The following IQGAP2 variants were observed in gnomAD, a reference collection of about 807,000 sequenced individuals.
The protein encoded by IQGAP2 is IQ motif containing GTPase activating protein 2, also known as ras GTPase-activating-like protein IQGAP2.
In IQGAP2, 173 loss-of-function variants were observed where a neutral mutation model predicts 201.3. That is an observed-to-expected ratio of 0.86 (90% confidence interval 0.76 to 0.98). The LOEUF (loss-of-function observed/expected upper bound fraction) is 0.98, where lower values mean the gene tolerates loss of function less well. IQGAP2 is among the 50% of genes least tolerant of loss of function. IQGAP2 has a pLI of 0.00. For synonymous variants in IQGAP2, 675 were observed against 673.9 expected (o/e 1.00, Z -0.03); for missense variants, 1,687 against 1,864.8 (o/e 0.90, Z 1.76).
chr5:76,673,666 G>A, intron 25 of IQGAP2, 77 bp downstream of exon 25: 2 of 1,427,724 alleles, frequency 1.4e-6, no homozygotes, highest in Non-Finnish European at 1.9e-6. Context: ...AGCCCCTGTA[G>A]TGAAGACAGC....
In IQGAP2 at chr5:76,562,411, C is replaced by T. The variant is rs1002384556; in HGVS notation, c.162C>T (p.Cys54=). ...ATCTCTTTAGGTGGATGGAAGTTTGCTTAGTTGAAGAATTGCCACCAACCA... is the reference window on the plus strand; with the variant it reads ...ATCTCTTTAGGTGGATGGAAGTTTGTTTAGTTGAAGAATTGCCACCAACCA... The part of the protein sequence containing the change: ...LEEAKRWMEV[C]LVEELPPTTE... Residue 54 remains cysteine (C), a synonymous_variant, in exon 3 of 36, where the codon TGC becomes TGT. Coordinates refer to ENST00000274364, the MANE Select transcript of IQGAP2 (RefSeq NM_006633.5). The T allele has an allele frequency of 2.5e-6, 4 of 1,611,886 alleles. No homozygotes were observed. Among genetic ancestry groups the T allele is most frequent in the Non-Finnish European group, 3.4e-6 (4 of 1,179,096 alleles).
At chr5:76,483,890 G>A (rs1488942980) in intron 2 of IQGAP2, among the ~76,000 whole-genome samples, 1 of 152,212 alleles carries the variant, frequency 6.6e-6, no homozygotes, top group East Asian at 1.9e-4. Flanking sequence ...CCCCTGGGAA[G>A]AGCCACAGGA....
chr5:76,688,322 A>G (rs1319447916), intron 30 of IQGAP2, among the ~76,000 whole-genome samples: 3 of 152,316 alleles, frequency 2.0e-5, no homozygotes, highest in East Asian at 3.9e-4. Flanking sequence ...TTTAATTACA[A>G]TGTCACTAGT....
At chr5:76,447,144 G>C (rs1580209385) in intron 1 of IQGAP2, among the ~76,000 whole-genome samples, 1 of 152,188 alleles carries the variant, frequency 6.6e-6, no homozygotes, top group Non-Finnish European at 1.5e-5. Flanking sequence ...TTCCTGTTGA[G>C]AGCAGGGACT....
intron 2 of IQGAP2, among the ~76,000 whole-genome samples, chr5:76,560,876 G>C (rs1362311675): frequency 6.6e-6 from 1 of 152,148 alleles, no homozygotes; most frequent in Non-Finnish European, 1.5e-5. Context: ...ACCAAACCTT[G>C]AATAGACTGT....
At chr5:76,645,877 G>A (rs1751998606) in intron 17 of IQGAP2, among the ~76,000 whole-genome samples, 1 of 151,350 alleles carries the variant, frequency 6.6e-6, no homozygotes, top group Non-Finnish European at 1.5e-5. Flanking sequence ...GCCAATGCAG[G>A]AATGATTCAA....
chr5:76,502,831 G>T (rs1757352036), intron 2 of IQGAP2, among the ~76,000 whole-genome samples: 1 of 152,078 alleles, frequency 6.6e-6, no homozygotes, highest in Non-Finnish European at 1.5e-5. Flanking sequence ...GAATTCCTGG[G>T]CTCAAGTGAT....
intron 2 of IQGAP2, among the ~76,000 whole-genome samples, chr5:76,557,521 T>TA (rs926684588): frequency 3.3e-5 from 5 of 152,200 alleles, no homozygotes; most frequent in Non-Finnish European, 7.3e-5. Context: ...TGCCTAATGT[T>TA]AAAAAAAGTA....
intron 1 of IQGAP2, among the ~76,000 whole-genome samples, chr5:76,440,322 C>T (rs1561373282): frequency 1.3e-5 from 2 of 152,046 alleles, no homozygotes; most frequent in Non-Finnish European, 2.9e-5. Flanking sequence ...GCCAAGAGTT[C>T]AAGACTTAGC....
chr5:76,617,739 A>G (rs374987651), intron 13 of IQGAP2: 3 of 1,613,880 alleles, frequency 1.9e-6, no homozygotes, highest in South Asian at 1.1e-5. Context: ...AGCATGGTGA[A>G]TAATAAGAAT....
intron 22 of IQGAP2, among the ~76,000 whole-genome samples, chr5:76,665,935 C>A (rs1011768902): frequency 3.3e-5 from 5 of 152,200 alleles, no homozygotes; most frequent in African/African-American, 1.2e-4. Context: ...AGAGGTGGAT[C>A]CATAGTTCTC....
chr5:76,703,570 A>T (rs554968581), intron 35 of IQGAP2, among the ~76,000 whole-genome samples: 3 of 151,892 alleles, frequency 2.0e-5, no homozygotes, highest in Non-Finnish European at 4.4e-5. Flanking sequence ...GGTGTTTGCA[A>T]TATAAATTAT....
chr5:76,704,698 C>A (rs1747722177), intron 35 of IQGAP2, among the ~76,000 whole-genome samples: 1 of 152,192 alleles, frequency 6.6e-6, no homozygotes, highest in Non-Finnish European at 1.5e-5. Flanking sequence ...GGGCATGGGA[C>A]CCTGTGCGGC....
chr5:76,681,494 T>C (rs1417037590), intron 28 of IQGAP2, among the ~76,000 whole-genome samples: 1 of 150,664 alleles, frequency 6.6e-6, no homozygotes, highest in Non-Finnish European at 1.5e-5. Flanking sequence ...TGCAAGGAGA[T>C]ACCACTCACA....
intron 1 of IQGAP2, among the ~76,000 whole-genome samples, chr5:76,421,378 C>T (rs998737805): frequency 6.6e-6 from 1 of 152,002 alleles, no homozygotes; most frequent in African/African-American, 2.4e-5. Flanking sequence ...CTTTGGGAAG[C>T]TGAGGCAGGA....
At chr5:76,420,374 C>CTTTT (rs36086215) in intron 1 of IQGAP2, among the ~76,000 whole-genome samples, 2 of 122,142 alleles carry the variant, frequency 1.6e-5, no homozygotes. Context: ...ATCTTTGGAA[C>CTTTT]TTTTTTTTTT....
intron 2 of IQGAP2, among the ~76,000 whole-genome samples, chr5:76,543,283 TC>T (rs1180659857): frequency 6.6e-6 from 1 of 152,148 alleles, no homozygotes; most frequent in Non-Finnish European, 1.5e-5. Flanking sequence ...CAGCTCCTGT[TC>T]CCTCAAACCT....
chr5:76,598,811 AAATT>A (rs1363525577), intron 10 of IQGAP2, among the ~76,000 whole-genome samples: 1 of 152,228 alleles, frequency 6.6e-6, no homozygotes, highest in Non-Finnish European at 1.5e-5. Context: ...GATTGCCTAT[AAATT>A]AATAACATTT....
intron 9 of IQGAP2, among the ~76,000 whole-genome samples, chr5:76,594,465 AG>A (rs1205442485): frequency 6.6e-6 from 1 of 152,202 alleles, no homozygotes; most frequent in Non-Finnish European, 1.5e-5. Flanking sequence ...TTTAAGTAAA[AG>A]GCATTGGATG....
Sources: allele counts gnomAD v4.1 joint callset (sites outside exome capture counted in the v4.1 genomes callset), GRCh38; gene constraint gnomAD v4.1.1; transcripts MANE v1.5; gene names NCBI Gene and HGNC (gene_info 2026-07-23, HGNC 2026-07-21).